RBFOX1: variants seen among roughly 807,000 people sequenced by gnomAD.
RBFOX1 encodes RNA binding fox-1 homolog 1, also known as RNA binding protein fox-1 homolog 1.
RBFOX1 carries 8 observed loss-of-function variants against 57.7 expected under a neutral mutation model. The ratio of observed to expected loss-of-function variants is 0.14; its 90% confidence interval spans 0.08 to 0.25. The LOEUF (loss-of-function observed/expected upper bound fraction) is 0.25. Ranked by LOEUF, RBFOX1 falls within the 10% of genes least tolerant of loss-of-function variation. The pLI is 1.00. For synonymous variants in RBFOX1, 326 were observed against 222.4 expected, an observed-to-expected ratio of 1.47 and a Z score of -4.15; for missense variants, 611 against 548.5, an observed-to-expected ratio of 1.11 and a Z score of -1.14.
At chr16:7,705,718 T>C (rs545795864) in intron 14 of RBFOX1, among the ~76,000 whole-genome samples, 1 of 152,138 alleles carries the variant, frequency 6.6e-6, no homozygotes, top group Non-Finnish European at 1.5e-5. Flanking sequence ...ATTTGATACA[T>C]GTAAATAGCT....
intron 4 of RBFOX1, among the ~76,000 whole-genome samples, chr16:7,423,940 C>G (rs999078122): frequency 2.0e-5 from 3 of 152,252 alleles, no homozygotes; most frequent in Admixed American, 6.5e-5. Context: ...CAAGAAGTCA[C>G]CTTTTTTGAA....
chr16:6,611,277 G>C (rs2098047262), intron 2 of RBFOX1, among the ~76,000 whole-genome samples: 1 of 152,178 alleles, frequency 6.6e-6, no homozygotes, highest in Non-Finnish European at 1.5e-5. Flanking sequence ...CTCCCAAATA[G>C]CTGAGAATAC....
At chr16:6,861,664 C>A (rs1393691760) in intron 3 of RBFOX1, among the ~76,000 whole-genome samples, 2 of 151,926 alleles carry the variant, frequency 1.3e-5, no homozygotes, top group African/African-American at 4.8e-5. Context: ...CATGCAACCT[C>A]CTCTATTTTT....
At chr16:5,904,023 C>G (rs746421057) in intron 4 of RBFOX1, among the ~76,000 whole-genome samples, 17 of 152,140 alleles carry the variant, frequency 1.1e-4, no homozygotes, top group Non-Finnish European at 2.2e-4. Flanking sequence ...GGCAGAAGGT[C>G]AGCGAGGCAG....
At chr16:7,498,457 T>A (rs1418184458) in intron 4 of RBFOX1, among the ~76,000 whole-genome samples, 2 of 151,972 alleles carry the variant, frequency 1.3e-5, no homozygotes, top group Non-Finnish European at 2.9e-5. Context: ...GGTTTTTTTT[T>A]ATACTTTCTG....
intron 2 of RBFOX1, among the ~76,000 whole-genome samples, chr16:6,601,842 G>A (rs1252916681): frequency 6.6e-6 from 1 of 152,204 alleles, no homozygotes; most frequent in African/African-American, 2.4e-5. Flanking sequence ...ATGTTAAAGA[G>A]AGGGGTTAGA....
intron 3 of RBFOX1, among the ~76,000 whole-genome samples, chr16:7,013,305 C>T (rs2093739525): frequency 6.6e-6 from 1 of 152,144 alleles, no homozygotes; most frequent in East Asian, 1.9e-4. Context: ...ATGCTAGGAG[C>T]TTAACTCAGT....
Position 6,738,254 on chromosome 16 carries a change from G to T in RBFOX1, c.-16+83604G>T, listed in dbSNP as rs374737081. Among the ~76,000 whole-genome samples the T allele has an allele frequency of 5.7e-4, 87 of 152,118 alleles. 1 individual carries two copies. In the South Asian group the frequency reaches 0.018, roughly 31 times the overall value. On this transcript the variant is annotated intron_variant, in intron 3 of 15. Transcript: ENST00000550418. ...AATCCTTGACAGGAGCAAAGGATGT[G>T]AGTCCTTTGATTGCCCCAGCTTACT...
intron 2 of RBFOX1, among the ~76,000 whole-genome samples, chr16:6,560,639 A>C (rs948658333): frequency 6.6e-6 from 1 of 152,192 alleles, no homozygotes; most frequent in East Asian, 1.9e-4. Context: ...TTTGGATTTT[A>C]CTTGAGTAAA....
intron 15 of RBFOX1, chr16:7,709,351 TG>T: frequency 1.0e-6 from 1 of 1,004,124 alleles, no homozygotes; most frequent in Non-Finnish European, 1.4e-6. Context: ...TTTCTAATTT[TG>T]CAAGTCTCAC....
At chr16:5,617,832 T>C (rs2048083004) in intron 3 of RBFOX1, among the ~76,000 whole-genome samples, 1 of 152,308 alleles carries the variant, frequency 6.6e-6, no homozygotes, top group Non-Finnish European at 1.5e-5. Context: ...GAATAGATGA[T>C]GAGAGTGTCT....
intron 4 of RBFOX1, among the ~76,000 whole-genome samples, chr16:7,113,027 A>T (rs1471921183): frequency 6.6e-6 from 1 of 152,174 alleles, no homozygotes; most frequent in African/African-American, 2.4e-5. Flanking sequence ...AGACCCATCG[A>T]ACTGGAGTCA....
intron 14 of RBFOX1, among the ~76,000 whole-genome samples, chr16:7,691,473 G>T (rs1244019167): frequency 6.6e-6 from 1 of 151,934 alleles, no homozygotes; most frequent in Non-Finnish European, 1.5e-5. Context: ...AAGGGTAGGA[G>T]AGGAAAAGAG....
intron 3 of RBFOX1, among the ~76,000 whole-genome samples, chr16:6,877,135 C>A (rs997081704): frequency 3.9e-5 from 6 of 152,120 alleles, no homozygotes; most frequent in Admixed American, 6.5e-5. Context: ...CACCAAACAA[C>A]AGTAAACAAA....
intron 3 of RBFOX1, among the ~76,000 whole-genome samples, chr16:6,706,820 A>T (rs1249176647): frequency 1.3e-5 from 2 of 151,400 alleles, no homozygotes; most frequent in Admixed American, 6.6e-5. Context: ...TGTTTAGGGT[A>T]TCTGTAATAA....
At chr16:5,266,952 G>A (rs2062874582) in intron 1 of RBFOX1, among the ~76,000 whole-genome samples, 1 of 151,992 alleles carries the variant, frequency 6.6e-6, no homozygotes, top group African/African-American at 2.4e-5. Context: ...AGAAAAATTG[G>A]TCATAATAGG....
chr16:5,784,704 G>A (rs1253097520), intron 3 of RBFOX1, among the ~76,000 whole-genome samples: 1 of 152,248 alleles, frequency 6.6e-6, no homozygotes, highest in African/African-American at 2.4e-5. Context: ...AGGCCTTTCA[G>A]GGGTAATTAA....
chr16:7,684,232 T>G (rs1033083419), intron 14 of RBFOX1, among the ~76,000 whole-genome samples: 1 of 152,070 alleles, frequency 6.6e-6, no homozygotes, highest in Non-Finnish European at 1.5e-5. Flanking sequence ...GCTTCCTTGG[T>G]GTAAATCACA....
At chr16:6,612,863 A>AAAATAGT (rs59339311) in intron 2 of RBFOX1, among the ~76,000 whole-genome samples, 1 of 132,242 alleles carries the variant, frequency 7.6e-6, no homozygotes, top group African/African-American at 2.9e-5. Context: ...AAAAAAAAAA[A>AAAATAGT]AATAATAATA....
Sources: allele counts gnomAD v4.1 joint callset (sites outside exome capture counted in the v4.1 genomes callset), GRCh38; gene constraint gnomAD v4.1.1; transcripts MANE v1.5; gene names NCBI Gene and HGNC (gene_info 2026-07-23, HGNC 2026-07-21).